The following GFRA2 variants were observed in gnomAD, a reference collection of about 807,000 sequenced individuals.
GFRA2 encodes the protein GDNF family receptor alpha-2.
In GFRA2, 17 loss-of-function variants were observed where a neutral mutation model predicts 48.3. The ratio of observed to expected loss-of-function variants is 0.35; its 90% confidence interval spans 0.24 to 0.53. The LOEUF (loss-of-function observed/expected upper bound fraction) is 0.53. GFRA2 is among the 20% of genes least tolerant of loss of function. The pLI is 0.93. For synonymous variants in GFRA2, 305 were observed against 257.2 expected (o/e 1.19, Z -1.78); for missense variants, 660 against 637.3 (o/e 1.04, Z -0.38).
At position 21,722,137 on chromosome 8, in the gene GFRA2, T is replaced by A. The variant is rs549057058; in HGVS notation, c.795-16096A>T. On this transcript the variant is annotated intron_variant, in intron 4 of 8. Transcript: ENST00000524240. ...CGGTTAAAAGGAAATGTTTAGCTGA[T>A]CCCAGAAACCATTCAGAAATTAATT... is the stretch of plus-strand genomic sequence containing the variant. Among the ~76,000 whole-genome samples, 18 of 152,306 alleles carry A rather than the reference T, an allele frequency of 1.2e-4. No individual in the cohort carries two copies. The South Asian group carries it at 3.7e-3, about 32-fold the overall frequency.
chr8:21,753,772 C>T (rs1284409732), intron 3 of GFRA2, among the ~76,000 whole-genome samples: 1 of 152,122 alleles, frequency 6.6e-6, no homozygotes, highest in Non-Finnish European at 1.5e-5. Flanking sequence ...TTTGTGATTA[C>T]AAGCAAATGT....
chr8:21,733,803 A>T (rs1469521773), intron 4 of GFRA2, among the ~76,000 whole-genome samples: 2 of 152,194 alleles, frequency 1.3e-5, no homozygotes, highest in African/African-American at 4.8e-5. Context: ...CAGTTAGAGG[A>T]GCATCAGAAA....
At chr8:21,705,198 C>T in intron 5 of GFRA2, 73 bp from the exon 6 acceptor site, 1 of 1,493,110 alleles carries the variant, frequency 6.7e-7, no homozygotes, top group African/African-American at 1.4e-5. Flanking sequence ...CAGACCAACC[C>T]CAGGCACAGC....
upstream of GFRA2, among the ~76,000 whole-genome samples, chr8:21,789,572 G>C (rs1380300989): frequency 6.6e-6 from 1 of 152,128 alleles, no homozygotes; most frequent in Non-Finnish European, 1.5e-5. Context: ...CTCCCCGATG[G>C]TGCCAGGGAA....
intron 7 of GFRA2, 22 bp downstream of exon 7, chr8:21,702,783 C>T (rs372468076): frequency 5.2e-5 from 81 of 1,567,622 alleles, no homozygotes; most frequent in African/African-American, 1.3e-4. Context: ...GCTCCCCCCA[C>T]GCCTCAGCCA....
At chr8:21,707,678 A>C (rs1802817352) in intron 4 of GFRA2, among the ~76,000 whole-genome samples, 2 of 152,010 alleles carry the variant, frequency 1.3e-5, no homozygotes, top group Non-Finnish European at 2.9e-5. Flanking sequence ...CTTCTCCGGG[A>C]CTCTAGTTTC....
In GFRA2 at chr8:21,757,373, A is replaced by T. The variant is rs374442795; in HGVS notation, c.440-6431T>A. 5.3e-5 allele frequency among the ~76,000 whole-genome samples: 8 copies of T among 152,316 alleles called. No homozygotes were observed. The East Asian group carries it at 1.5e-3, about 29-fold the overall frequency. On this transcript the variant is annotated intron_variant, in intron 3 of 8. Transcript: ENST00000524240. The stretch of plus-strand genomic sequence containing the variant: ...GCATATGAGTGCTCTTTAAACTCAT[A>T]TTCTTTAAATATTTATTTGGCTTTT...
intron 4 of GFRA2, among the ~76,000 whole-genome samples, chr8:21,740,685 T>C (rs1281626431): frequency 1.3e-5 from 2 of 152,196 alleles, no homozygotes; most frequent in African/African-American, 2.4e-5. Flanking sequence ...TTAAATGCCA[T>C]AAATACGCTA....
chr8:21,716,287 C>A (rs557003189), intron 4 of GFRA2, among the ~76,000 whole-genome samples: 8 of 146,514 alleles, frequency 5.5e-5, no homozygotes, highest in African/African-American at 1.0e-4. Flanking sequence ...CACACTACTG[C>A]GCTCCAGCCT....
intron 4 of GFRA2, among the ~76,000 whole-genome samples, chr8:21,736,495 A>AT (rs1048775662): frequency 2.8e-4 from 41 of 148,910 alleles, no homozygotes; most frequent in Admixed American, 1.0e-3. Context: ...GTCTTGTCCG[A>AT]TTTTTTTTTT....
chr8:21,774,999 T>C lies in GFRA2; in HGVS notation c.412A>G (p.Ile138Val), dbSNP rs2117707305. 1.9e-6 allele frequency: 3 copies of C among 1,604,234 alleles called. No individual in the cohort carries two copies. Among genetic ancestry groups the C allele is most frequent in the East Asian group, 2.2e-5 (1 of 44,808 alleles). Residue 138 changes from isoleucine (I) to valine (V), a missense_variant, in exon 3 of 9, where the codon ATC becomes GTC. Coordinates refer to ENST00000524240, the MANE Select transcript of GFRA2 (RefSeq NM_001495.5). Reference sequence around the variant, plus strand: ...GAGAAGATTGAAGCAAGCCTGAAGATGTCCGAGAGGCGGGAGGTCACCGGC... The same window carrying C: ...GAGAAGATTGAAGCAAGCCTGAAGACGTCCGAGAGGCGGGAGGTCACCGGC... Reference protein sequence around the residue: ...YEPVTSRLSDIFRLASIFSGT... With the variant: ...YEPVTSRLSDVFRLASIFSGT...
At chr8:21,739,225 A>T (rs534182020) in intron 4 of GFRA2, among the ~76,000 whole-genome samples, 1 of 152,282 alleles carries the variant, frequency 6.6e-6, no homozygotes, top group African/African-American at 2.4e-5. Context: ...TTTGCTCATA[A>T]GTCAATGTCC....
intron 3 of GFRA2, among the ~76,000 whole-genome samples, chr8:21,765,816 C>G (rs1806123676): frequency 6.6e-6 from 1 of 152,150 alleles, no homozygotes; most frequent in Non-Finnish European, 1.5e-5. Flanking sequence ...ATGGCACAAG[C>G]AGCTTCACTG....
intron 4 of GFRA2, among the ~76,000 whole-genome samples, chr8:21,726,153 T>C (rs1445455589): frequency 6.6e-6 from 1 of 152,128 alleles, no homozygotes; most frequent in Non-Finnish European, 1.5e-5. Flanking sequence ...CACCCCACCG[T>C]CTCCAACCAG....
rs547617644 is a variant in GFRA2, at chr8:21,758,081, C to T, written c.440-7139G>A. 2.0e-5 allele frequency among the ~76,000 whole-genome samples: 3 copies of T among 152,222 alleles called. No individual in the cohort carries two copies. The East Asian group carries it at 5.8e-4, about 29-fold the overall frequency. The stretch of plus-strand genomic sequence containing the variant: ...TTGTGACTCACAGGCCCCACCGAGT[C>T]AGGAGCTCTGCGGCTGGCACCTGGG... On this transcript the variant is annotated intron_variant, in intron 3 of 8. Coordinates refer to ENST00000524240, the MANE Select transcript of GFRA2 (RefSeq NM_001495.5).
intron 5 of GFRA2, 50 bp from the exon 6 acceptor site, chr8:21,705,175 C>G: frequency 1.3e-6 from 2 of 1,556,946 alleles, no homozygotes; most frequent in Admixed American, 1.8e-5. Flanking sequence ...GTGGGGCCTT[C>G]CCCTTGGGCC....
At chr8:21,753,163 T>G (rs914369332) in intron 3 of GFRA2, among the ~76,000 whole-genome samples, 2 of 152,232 alleles carry the variant, frequency 1.3e-5, no homozygotes. Context: ...ATATGTGTGC[T>G]GTCTGATTTG....
chr8:21,736,028 C>A (rs1051381565), intron 4 of GFRA2, among the ~76,000 whole-genome samples: 1 of 152,246 alleles, frequency 6.6e-6, no homozygotes, highest in African/African-American at 2.4e-5. Context: ...CTGGTTCACT[C>A]GGGCTCCCTC....
intron 4 of GFRA2, among the ~76,000 whole-genome samples, chr8:21,710,090 G>A (rs1159434304): frequency 2.6e-5 from 4 of 152,216 alleles, no homozygotes; most frequent in Admixed American, 1.3e-4. Flanking sequence ...CCCAGCCACT[G>A]GGGAAGGAGT....
Sources: gnomAD v4.1 joint callset for allele counts (sites outside exome capture counted in the v4.1 genomes callset) on GRCh38, gnomAD v4.1.1 for gene constraint, MANE v1.5 for transcripts, NCBI Gene and HGNC (gene_info 2026-07-23, HGNC 2026-07-21) for gene names.